Variants in BCAS3 observed in about 807,000 individuals in gnomAD.
BCAS3 encodes the protein BCAS4/BCAS3 fusion.
In BCAS3, 53 loss-of-function variants were observed where a neutral mutation model predicts 116.1. That is an observed-to-expected ratio of 0.46 (90% CI 0.37 to 0.57). The LOEUF is 0.57. BCAS3 is among the 20% of genes least tolerant of loss of function. The pLI, the probability that BCAS3 is intolerant of heterozygous loss-of-function variation, is 0.00. For missense variants in BCAS3, 917 were observed against 1,165.4 expected, an observed-to-expected ratio of 0.79 and a Z score of 3.10; for synonymous variants, 391 against 408.2, an observed-to-expected ratio of 0.96 and a Z score of 0.51.
intron 8 of BCAS3, 123 bp from the exon 9 acceptor site, chr17:60,874,539 A>C: frequency 1.7e-6 from 1 of 597,676 alleles, no homozygotes; most frequent in Non-Finnish European, 2.8e-6. Flanking sequence ...GAAATGTTTA[A>C]TTTTAAAATT....
chr17:61,208,877 GA>G lies in BCAS3; in HGVS notation c.2425+124328del, dbSNP rs11299754. Among the ~76,000 whole-genome samples, 122,792 of 143,802 alleles carry G rather than the reference GA, an allele frequency of 0.85. 52,572 individuals are homozygous for G. The highest frequency in any genetic ancestry group is 0.92 in the Non-Finnish European group (60,714 of 65,806). The allele number at this position is 143,802 out of a possible 152,430, so 94.3% of individuals were successfully genotyped here. ...TTGCTAAGAGAAAAGTGCTAAAAAG[GA>G]AAAAAAAAAAAAAAGGAGGGCCTGT... On this transcript the variant is annotated intron_variant, in intron 22 of 23. Transcript: ENST00000407086. The surrounding 1 kb of genome is among the most constrained non-coding windows in gnomAD (Gnocchi z 4.5).
intron 13 of BCAS3, among the ~76,000 whole-genome samples, chr17:60,932,949 C>T (rs899923854): frequency 5.9e-5 from 9 of 151,918 alleles, no homozygotes; most frequent in East Asian, 5.8e-4. Context: ...CCGAGGAGGG[C>T]GGATTACTTG....
Position 60,859,250 on chromosome 17 carries a change from T to C in BCAS3, c.477-9326T>C, listed in dbSNP as rs4581761. On this transcript the variant is annotated intron_variant, in intron 7 of 23. Transcript: ENST00000407086. ...TGTTCAGGTTTGTTACATCAGTAAA[T>C]TGTATGTCACTGGAGTTTGGTGTAC... Among the ~76,000 whole-genome samples, 254 of 152,130 alleles carry C rather than the reference T, an allele frequency of 1.7e-3. 1 individual carries two copies. Among genetic ancestry groups the C allele is most frequent in the African/African-American group, 5.8e-3 (241 of 41,484 alleles).
At chr17:60,978,642 T>C (rs1251746816) in intron 14 of BCAS3, among the ~76,000 whole-genome samples, 11 of 152,284 alleles carry the variant, frequency 7.2e-5, no homozygotes, top group South Asian at 6.2e-4. Context: ...TTAGGTCTAA[T>C]GTTTAAGTCT....
At chr17:60,755,593 G>A (rs1206651124) in intron 6 of BCAS3, among the ~76,000 whole-genome samples, 1 of 152,148 alleles carries the variant, frequency 6.6e-6, no homozygotes, top group Non-Finnish European at 1.5e-5. Flanking sequence ...TGTACATGAT[G>A]TGTTTTAAAA....
At chr17:61,062,843 T>C (rs2070207031) in intron 19 of BCAS3, among the ~76,000 whole-genome samples, 1 of 152,058 alleles carries the variant, frequency 6.6e-6, no homozygotes, top group South Asian at 2.1e-4. Context: ...TTTTTTAAGA[T>C]TAGAAGCAAA....
chr17:60,974,567 A>T (rs2062176203), intron 14 of BCAS3, among the ~76,000 whole-genome samples: 1 of 152,248 alleles, frequency 6.6e-6, no homozygotes, highest in Non-Finnish European at 1.5e-5. Flanking sequence ...CTATGACTAC[A>T]GTACGTTTTA....
chr17:60,916,739 G>A (rs1478622942), intron 12 of BCAS3, among the ~76,000 whole-genome samples: 2 of 152,004 alleles, frequency 1.3e-5, no homozygotes, highest in Non-Finnish European at 2.9e-5. Flanking sequence ...TGCTACAGTG[G>A]ACACAATCAA....
intron 6 of BCAS3, among the ~76,000 whole-genome samples, chr17:60,781,620 T>C (rs2045842776): frequency 6.6e-6 from 1 of 152,088 alleles, no homozygotes; most frequent in South Asian, 2.1e-4. Context: ...TTGTTTTTCT[T>C]CTTCATCCTA....
Position 61,315,260 on chromosome 17 carries a change from G to A in BCAS3, c.2426-53067G>A, listed in dbSNP as rs1202278389. ...CTCCCAAGTAGCTGGGATTATAGGC[G>A]CCCACCACCACACCCGGCTAATTTT... is the stretch of plus-strand genomic sequence containing the variant. On this transcript the variant is annotated intron_variant, in intron 22 of 23. Coordinates refer to ENST00000407086, the MANE Select transcript of BCAS3 (RefSeq NM_017679.5). This position sits in a 1 kb window ranked among gnomAD's most constrained non-coding sequence, Gnocchi z 5.3. Among the ~76,000 whole-genome samples, 8 of 152,006 alleles carry A rather than the reference G, an allele frequency of 5.3e-5. No individual in the cohort carries two copies. The highest frequency in any genetic ancestry group is 1.9e-4 in the East Asian group (1 of 5,178).
intron 16 of BCAS3, among the ~76,000 whole-genome samples, chr17:61,031,930 G>C (rs556657255): frequency 7.9e-5 from 12 of 152,210 alleles, no homozygotes; most frequent in Non-Finnish European, 8.8e-5. Context: ...ACACCGTGTT[G>C]ATGCTTTTTA....
chr17:61,170,621 G>A (rs2078791095), intron 22 of BCAS3, among the ~76,000 whole-genome samples: 1 of 152,136 alleles, frequency 6.6e-6, no homozygotes, highest in Admixed American at 6.5e-5. Flanking sequence ...CAAGGTATTG[G>A]GTAACAGGCA....
At chr17:60,693,156 A>G (rs1249343628) in intron 4 of BCAS3, among the ~76,000 whole-genome samples, 2 of 151,880 alleles carry the variant, frequency 1.3e-5, no homozygotes, top group East Asian at 3.9e-4. Flanking sequence ...GATTACAGGC[A>G]TGAGCCACTG....
chr17:60,996,231 A>C (rs1291021376), intron 15 of BCAS3, among the ~76,000 whole-genome samples: 1 of 152,168 alleles, frequency 6.6e-6, no homozygotes, highest in Non-Finnish European at 1.5e-5. Flanking sequence ...GGAGATCTGT[A>C]TTGAGAACAC....
At chr17:61,176,250 G>A (rs571132819) in intron 22 of BCAS3, among the ~76,000 whole-genome samples, 5 of 148,344 alleles carry the variant, frequency 3.4e-5, no homozygotes, top group Non-Finnish European at 7.4e-5. Flanking sequence ...AAGGTAAGAT[G>A]TATATGGTTA....
At chr17:60,802,365 TAC>T (rs2047884213) in intron 6 of BCAS3, among the ~76,000 whole-genome samples, 1 of 126,812 alleles carries the variant, frequency 7.9e-6, no homozygotes, top group African/African-American at 4.6e-5. Context: ...CATACATACA[TAC>T]ATACATATAT....
intron 22 of BCAS3, among the ~76,000 whole-genome samples, chr17:61,223,299 G>T (rs1443901884): frequency 1.3e-5 from 2 of 151,838 alleles, no homozygotes; most frequent in Non-Finnish European, 2.9e-5. Context: ...TGGGATTACA[G>T]GCATGTGCCA....
intron 4 of BCAS3, among the ~76,000 whole-genome samples, chr17:60,697,711 G>A (rs1221925923): frequency 1.3e-5 from 2 of 152,030 alleles, no homozygotes; most frequent in African/African-American, 4.8e-5. Flanking sequence ...AGTATACTGA[G>A]TGCAGTCATG....
Position 61,367,108 on chromosome 17 carries a change from C to CGAAGATA in BCAS3, c.2426-1217_2426-1211dup, listed in dbSNP as rs2058783981. Among the ~76,000 whole-genome samples, 1 of 152,138 alleles carries CGAAGATA rather than the reference C, an allele frequency of 6.6e-6. No homozygotes were observed. The highest frequency in any genetic ancestry group is 2.1e-4 in the South Asian group (1 of 4,826). ...ACACTGCCCAGCCCTCACTGCCTGG[C>CGAAGATA]GAAGATAGTTTCTGACGGCTGATCA... On this transcript the variant is annotated intron_variant, in intron 22 of 23. Coordinates refer to ENST00000407086, the MANE Select transcript of BCAS3 (RefSeq NM_017679.5). This position sits in a 1 kb window ranked among gnomAD's most constrained non-coding sequence, Gnocchi z 6.2.
Sources: gnomAD v4.1 joint callset for allele counts (sites outside exome capture counted in the v4.1 genomes callset) on GRCh38, gnomAD v4.1.1 for gene constraint, Gnocchi (gnomAD v3.1) non-coding constraint, MANE v1.5 for transcripts, NCBI Gene and HGNC (gene_info 2026-07-23, HGNC 2026-07-21) for gene names.